CCDC171: variants seen among roughly 807,000 people sequenced by gnomAD.
CCDC171 encodes coiled-coil domain-containing protein 171.
CCDC171 carries 177 observed loss-of-function variants against 168.2 expected under a neutral mutation model. The ratio of observed to expected loss-of-function variants is 1.05; its 90% confidence interval spans 0.93 to 1.19. The LOEUF is 1.19. Among genes scored for constraint, CCDC171 ranks in the 50% most tolerant of loss-of-function variants. CCDC171 has a pLI of 0.00. For missense variants in CCDC171, 1,991 were observed against 1,539.0 expected (o/e 1.29, Z -4.91); for synonymous variants, 687 against 540.8 (o/e 1.27, Z -3.75).
chr9:15,922,824 T>C lies in CCDC171; in HGVS notation c.3753+2402T>C, dbSNP rs116124228. Among the ~76,000 whole-genome samples the C allele has an allele frequency of 4.9e-3, 737 of 151,748 alleles. 7 individuals are homozygous for C. Among genetic ancestry groups the C allele is most frequent in the African/African-American group, 0.017 (717 of 41,496 alleles). ...TGCATTTCCCCGAAGATTAGTGATA[T>C]TGAGCATTTTTTCATACACAAGTCC... On this transcript the variant is annotated intron_variant, in intron 25 of 25. Coordinates refer to ENST00000380701, the MANE Select transcript of CCDC171 (RefSeq NM_173550.4).
rs142077044 is a variant in CCDC171 at position 15,699,577 on chromosome 9, G to A, written c.1318+4240G>A. 5.3e-5 allele frequency among the ~76,000 whole-genome samples: 8 copies of A among 152,202 alleles called. No homozygotes were observed. The East Asian group carries it at 1.2e-3, about 22-fold the overall frequency. ...TGAGCTAGACACAAAGGTTCTCCACGTCCCCACCAGATTAGTTAGGTACAG... is the reference window on the plus strand; with the variant it reads ...TGAGCTAGACACAAAGGTTCTCCACATCCCCACCAGATTAGTTAGGTACAG... On this transcript the variant is annotated intron_variant, in intron 11 of 25. Coordinates refer to ENST00000380701, the MANE Select transcript of CCDC171 (RefSeq NM_173550.4).
chr9:15,847,399 C>T (rs906951213), intron 22 of CCDC171, among the ~76,000 whole-genome samples: 28 of 151,950 alleles, frequency 1.8e-4, no homozygotes, highest in Non-Finnish European at 3.8e-4. Context: ...ATATAGTTTT[C>T]AGAGTAGACC....
chr9:15,767,973 A>G (rs887337147), intron 18 of CCDC171, among the ~76,000 whole-genome samples: 3 of 149,736 alleles, frequency 2.0e-5, no homozygotes, highest in African/African-American at 4.9e-5. Context: ...GAGCTTAGGC[A>G]GTGCACCCAC....
chr9:15,642,291 A>G (rs1023144337), intron 7 of CCDC171, among the ~76,000 whole-genome samples: 2 of 149,828 alleles, frequency 1.3e-5, no homozygotes, highest in East Asian at 1.9e-4. Context: ...GTGTGTGTGT[A>G]TATATATACA....
chr9:15,685,556 G>C (rs2050334745), intron 10 of CCDC171, among the ~76,000 whole-genome samples: 1 of 152,038 alleles, frequency 6.6e-6, no homozygotes, highest in African/African-American at 2.4e-5. Flanking sequence ...GATCACTTGA[G>C]TCTGGGAGGT....
At chr9:15,759,870 A>C (rs1246919662) in intron 18 of CCDC171, among the ~76,000 whole-genome samples, 1 of 152,204 alleles carries the variant, frequency 6.6e-6, no homozygotes, top group Non-Finnish European at 1.5e-5. Context: ...TCCATAATTT[A>C]ACTGATTCAT....
intron 20 of CCDC171, among the ~76,000 whole-genome samples, chr9:15,780,193 C>T: frequency 6.6e-6 from 1 of 152,180 alleles, no homozygotes; most frequent in East Asian, 1.9e-4. Flanking sequence ...ATGAATTAGG[C>T]AGGTCAAGTA....
Position 15,729,771 on chromosome 9 carries a change from C to A in CCDC171, c.2022C>A (p.Leu674=). 1 of 1,610,494 alleles carries A rather than the reference C, an allele frequency of 6.2e-7. No homozygotes were observed. The highest frequency in any genetic ancestry group is 8.5e-7 in the Non-Finnish European group (1 of 1,177,520). ...AACTAGAGCTGCAGTATTCTGAACTCTTCCTGGAGGTGCAGAAGAGGGCAC... is the reference window on the plus strand; with the variant it reads ...AACTAGAGCTGCAGTATTCTGAACTATTCCTGGAGGTGCAGAAGAGGGCAC... ...KKELELQYSE[L]FLEVQKRAQK... The change falls in exon 16 of 26, where the codon CTC becomes CTA. Residue 674 remains leucine (L), a synonymous_variant. Coordinates refer to ENST00000380701, the MANE Select transcript of CCDC171 (RefSeq NM_173550.4).
chr9:16,058,329 G>A (rs779615457), intron 1 of CCDC171, among the ~76,000 whole-genome samples: 12 of 151,928 alleles, frequency 7.9e-5, no homozygotes, highest in East Asian at 1.9e-4. Flanking sequence ...ATCATCCACC[G>A]TGAGAACACT....
intron 16 of CCDC171, among the ~76,000 whole-genome samples, chr9:15,735,531 G>C (rs1023351967): frequency 6.6e-6 from 1 of 152,144 alleles, no homozygotes; most frequent in Non-Finnish European, 1.5e-5. Context: ...AATCAAGTGA[G>C]TTTAGAATGG....
chr9:15,620,595 C>G (rs2044426720), intron 6 of CCDC171, among the ~76,000 whole-genome samples: 1 of 152,202 alleles, frequency 6.6e-6, no homozygotes, highest in African/African-American at 2.4e-5. Flanking sequence ...GGAAACTCCT[C>G]CTGGTGGAGA....
At chr9:15,724,428 A>T (rs1206287409) in intron 13 of CCDC171, among the ~76,000 whole-genome samples, 1 of 152,190 alleles carries the variant, frequency 6.6e-6, no homozygotes, top group Non-Finnish European at 1.5e-5. Context: ...TTCTTATGTT[A>T]AATGTAAGAT....
In CCDC171 at chr9:15,679,722, A is replaced by AT. The variant is rs377639445; in HGVS notation, c.1215+833dup. Among the ~76,000 whole-genome samples, 275 of 152,010 alleles carry AT rather than the reference A, an allele frequency of 1.8e-3. 2 individuals carry two copies. The highest frequency in any genetic ancestry group is 6.2e-3 in the African/African-American group (257 of 41,474). On this transcript the variant is annotated intron_variant, in intron 10 of 25. Coordinates refer to ENST00000380701, the MANE Select transcript of CCDC171 (RefSeq NM_173550.4). ...GCCACCTTGCTTGGCTAGTTTAAAA[A>AT]TTTTTTTACAGAGATGAGGTCTCGC...
intron 4 of CCDC171, among the ~76,000 whole-genome samples, chr9:15,581,559 C>A (rs544871686): frequency 6.6e-6 from 1 of 152,316 alleles, no homozygotes; most frequent in East Asian, 1.9e-4. Flanking sequence ...ACCAAAACAA[C>A]ATGGTACTGA....
chr9:15,631,218 T>C lies in CCDC171; in HGVS notation c.822+7805T>C, dbSNP rs552890935. Among the ~76,000 whole-genome samples the C allele has an allele frequency of 2.6e-5, 4 of 151,840 alleles. No individual in the cohort carries two copies. The South Asian group carries it at 8.3e-4, about 32-fold the overall frequency. On this transcript the variant is annotated intron_variant, in intron 7 of 25. Transcript: ENST00000380701. Reference sequence around the variant, plus strand: ...GAAACACAAAAAACCCTTCAAAAAATTAATGAATCCAGAAGCTGGTTTTTT... The same window carrying C: ...GAAACACAAAAAACCCTTCAAAAAACTAATGAATCCAGAAGCTGGTTTTTT...
At chr9:15,653,969 G>T (rs1189879795) in intron 7 of CCDC171, among the ~76,000 whole-genome samples, 3 of 152,068 alleles carry the variant, frequency 2.0e-5, no homozygotes, top group Non-Finnish European at 4.4e-5. Flanking sequence ...TAATTCCTTA[G>T]TTACATCAGA....
chr9:15,652,389 A>G (rs2047593185), intron 7 of CCDC171, among the ~76,000 whole-genome samples: 1 of 151,406 alleles, frequency 6.6e-6, no homozygotes, highest in Non-Finnish European at 1.5e-5. Context: ...CTTTCTGTGG[A>G]TCTATATGAA....
At chr9:15,930,040 T>G (rs910564914) in intron 25 of CCDC171, among the ~76,000 whole-genome samples, 2 of 151,786 alleles carry the variant, frequency 1.3e-5, no homozygotes, top group African/African-American at 2.4e-5. Flanking sequence ...CAATTAGTTG[T>G]GTATGTATTA....
rs185893536 is a variant in CCDC171 at position 15,980,877 on chromosome 9, C to T, written n.369-39712C>T. 5.1e-3 allele frequency among the ~76,000 whole-genome samples: 752 copies of T among 148,300 alleles called. 6 individuals carry two copies. The highest frequency in any genetic ancestry group is 0.018 in the African/African-American group (724 of 40,626). ...TTTCATACTGCTGATAAAGACATACCAGAGACTGAGTAATTTACAAAAGAA... is the reference window on the plus strand; with the variant it reads ...TTTCATACTGCTGATAAAGACATACTAGAGACTGAGTAATTTACAAAAGAA... On this transcript the variant is annotated intron_variant and non_coding_transcript_variant, in intron 3 of 9. Coordinates refer to the CCDC171 transcript ENST00000486641.
Sources: gnomAD v4.1 joint callset for allele counts (sites outside exome capture counted in the v4.1 genomes callset) on GRCh38, gnomAD v4.1.1 for gene constraint, MANE v1.5 for transcripts, NCBI Gene and HGNC (gene_info 2026-07-23, HGNC 2026-07-21) for gene names.